The following ATOSA variants were observed in gnomAD, a reference collection of about 807,000 sequenced individuals.
The protein encoded by ATOSA is atos homolog protein A.
chr15:52,607,857 T>C, the ATOSA span, among the ~76,000 whole-genome samples: 1 of 152,126 alleles, frequency 6.6e-6, no homozygotes, highest in South Asian at 2.1e-4. Flanking sequence ...AGCTGAGTGC[T>C]TCTGTTTTGG....
chr15:52,584,659 CTAGT>C, the ATOSA span: 5 of 1,151,690 alleles, frequency 4.3e-6, no homozygotes, highest in Non-Finnish European at 4.9e-6. Flanking sequence ...GGACACTGGT[CTAGT>C]TAGAGTCACA....
chr15:52,602,416 G>A, the ATOSA span, among the ~76,000 whole-genome samples: 1 of 152,030 alleles, frequency 6.6e-6, no homozygotes, highest in East Asian at 1.9e-4. Flanking sequence ...TCTTGCTCCT[G>A]CTGATTCTTT....
At chr15:52,696,360 C>T in the ATOSA span, among the ~76,000 whole-genome samples, 305 of 152,274 alleles carry the variant, frequency 2.0e-3, 3 homozygotes, top group African/African-American at 7.1e-3. Flanking sequence ...CCAACCACAA[C>T]AGCCTCCATT....
chr15:52,675,710 T>C, the ATOSA span, among the ~76,000 whole-genome samples: 20 of 152,062 alleles, frequency 1.3e-4, 1 homozygote, highest in Admixed American at 1.3e-3. Flanking sequence ...AGATCGAGAC[T>C]ATCCTGGCTT....
the ATOSA span, among the ~76,000 whole-genome samples, chr15:52,695,605 CTA>C: frequency 6.6e-6 from 1 of 152,176 alleles, no homozygotes; most frequent in East Asian, 1.9e-4. Context: ...CCTCGTGCAC[CTA>C]TGAGTGTGCA....
At chr15:52,599,353 T>C in the ATOSA span, among the ~76,000 whole-genome samples, 2 of 152,218 alleles carry the variant, frequency 1.3e-5, no homozygotes, top group Admixed American at 1.3e-4. Context: ...GGAATTGACA[T>C]GGAAAAGACT....
the ATOSA span, chr15:52,608,943 C>T: frequency 2.5e-6 from 4 of 1,607,436 alleles, no homozygotes; most frequent in African/African-American, 1.3e-5. Context: ...TTATTTTTTC[C>T]TTATACTTAT....
chr15:52,617,938 C>A, the ATOSA span, among the ~76,000 whole-genome samples: 1 of 152,044 alleles, frequency 6.6e-6, no homozygotes, highest in Non-Finnish European at 1.5e-5. Context: ...TTGGAATCAA[C>A]CATGACCCAT....
the ATOSA span, among the ~76,000 whole-genome samples, chr15:52,661,931 CAAAAAAAAA>C: frequency 1.4e-4 from 10 of 73,258 alleles, no homozygotes; most frequent in African/African-American, 3.0e-4. Context: ...CAAGCCAGGC[CAAAAAAAAA>C]AAAAAAAAAA....
the ATOSA span, among the ~76,000 whole-genome samples, chr15:52,699,472 A>T: frequency 6.6e-6 from 1 of 151,620 alleles, no homozygotes; most frequent in Non-Finnish European, 1.5e-5. Flanking sequence ...AGATAGGATT[A>T]AAAGGATTTG....
At chr15:52,620,566 GAGA>G in the ATOSA span, among the ~76,000 whole-genome samples, 1 of 152,240 alleles carries the variant, frequency 6.6e-6, no homozygotes, top group Non-Finnish European at 1.5e-5. Context: ...GCCAGAGAAG[GAGA>G]AGGAGTCTAG....
the ATOSA span, among the ~76,000 whole-genome samples, chr15:52,598,225 C>G: frequency 6.6e-6 from 1 of 152,036 alleles, no homozygotes; most frequent in Non-Finnish European, 1.5e-5. Context: ...TTAAAAAAAT[C>G]ACAAAAAAAA....
the ATOSA span, chr15:52,609,040 G>A: frequency 7.4e-6 from 12 of 1,613,084 alleles, no homozygotes; most frequent in East Asian, 2.7e-4. Flanking sequence ...GAATCTGCTT[G>A]TCAAATCTAA....
the ATOSA span, among the ~76,000 whole-genome samples, chr15:52,663,844 T>C: frequency 6.6e-6 from 1 of 152,178 alleles, no homozygotes; most frequent in Admixed American, 6.5e-5. Context: ...CAGGCTCATC[T>C]TGAACTCCTG....
chr15:52,605,175 T>C, the ATOSA span: 1 of 1,610,896 alleles, frequency 6.2e-7, no homozygotes. Context: ...GATGAAAGGC[T>C]CTGGTTGAAG....
the ATOSA span, among the ~76,000 whole-genome samples, chr15:52,593,965 A>C: frequency 6.6e-6 from 1 of 152,192 alleles, no homozygotes; most frequent in African/African-American, 2.4e-5. Flanking sequence ...CTACCATCCT[A>C]CAACAGTTTG....
At chr15:52,680,711 A>G in the ATOSA span, among the ~76,000 whole-genome samples, 1 of 152,248 alleles carries the variant, frequency 6.6e-6, no homozygotes, top group Non-Finnish European at 1.5e-5. Flanking sequence ...GTAACATTTC[A>G]TTTTCTCTGA....
At chr15:52,624,697 A>C in the ATOSA span, among the ~76,000 whole-genome samples, 1 of 152,082 alleles carries the variant, frequency 6.6e-6, no homozygotes, top group Non-Finnish European at 1.5e-5. Flanking sequence ...ACATCTACTA[A>C]TGGGTTAAAT....
the ATOSA span, among the ~76,000 whole-genome samples, chr15:52,584,099 A>T: frequency 6.6e-6 from 1 of 150,942 alleles, no homozygotes; most frequent in Non-Finnish European, 1.5e-5. Flanking sequence ...AGAAAAAAAA[A>T]AAAAAAAAAA....
Sources: allele counts gnomAD v4.1 joint callset (sites outside exome capture counted in the v4.1 genomes callset), GRCh38; gene constraint gnomAD v4.1.1; transcripts MANE v1.5; gene names NCBI Gene and HGNC (gene_info 2026-07-23, HGNC 2026-07-21).